AGBL4: variants seen among roughly 807,000 people sequenced by gnomAD.
The protein encoded by AGBL4 is AGBL carboxypeptidase 4.
A neutral mutation model predicts 66.4 loss-of-function variants in AGBL4; 58 were observed. The ratio of observed to expected loss-of-function variants is 0.87; its 90% CI spans 0.71 to 1.09. The LOEUF is 1.09. Among genes scored for constraint, AGBL4 ranks in the 50% least tolerant of loss-of-function variants. The pLI is 0.00. For missense variants in AGBL4, 579 were observed against 631.0 expected, an observed-to-expected ratio of 0.92 and a Z score of 0.88; for synonymous variants, 234 against 222.9, an observed-to-expected ratio of 1.05 and a Z score of -0.44.
intron 3 of AGBL4, among the ~76,000 whole-genome samples, chr1:49,534,090 A>G (rs533063723): frequency 6.7e-6 from 1 of 149,274 alleles, no homozygotes; most frequent in South Asian, 2.1e-4. Context: ...TCAACTAAAA[A>G]GCATTTTTCT....
chr1:49,721,966 G>C lies in AGBL4; in HGVS notation c.158-24529C>G, dbSNP rs571441111. Among the ~76,000 whole-genome samples the C allele has an allele frequency of 3.3e-5, 5 of 152,292 alleles. No individual in the cohort carries two copies. In the South Asian group the frequency reaches 1.0e-3, roughly 32 times the overall value. ...GTTAATGATCAATACAGAACTTGAA[G>C]AGAAAGTTGGACAATTATTTGGCAG... On this transcript the variant is annotated intron_variant, in intron 2 of 13. Coordinates refer to ENST00000371839, the MANE Select transcript of AGBL4 (RefSeq NM_032785.4).
intron 2 of AGBL4, among the ~76,000 whole-genome samples, chr1:49,751,721 T>C (rs1214498993): frequency 6.6e-6 from 1 of 152,188 alleles, no homozygotes; most frequent in Non-Finnish European, 1.5e-5. Context: ...AGGCTTTTCT[T>C]GGTTGGTAGG....
intron 1 of AGBL4, among the ~76,000 whole-genome samples, chr1:49,952,932 G>A (rs771738932): frequency 6.6e-6 from 1 of 151,864 alleles, no homozygotes; most frequent in Non-Finnish European, 1.5e-5. Flanking sequence ...TCATGATTTA[G>A]CAATCCCCAA....
chr1:48,914,011 T>C (rs1000038704), intron 5 of AGBL4, among the ~76,000 whole-genome samples: 3 of 152,026 alleles, frequency 2.0e-5, no homozygotes, highest in Middle Eastern at 6.8e-3. Context: ...AAGTGGGAAG[T>C]TGGAGGAAAG....
chr1:49,140,544 C>T (rs1391795958), intron 4 of AGBL4, among the ~76,000 whole-genome samples: 2 of 152,204 alleles, frequency 1.3e-5, no homozygotes, highest in African/African-American at 4.8e-5. Flanking sequence ...GGCCTTTCAA[C>T]TTGCACAGAT....
chr1:48,942,179 G>A (rs1656035103), intron 5 of AGBL4, among the ~76,000 whole-genome samples: 1 of 152,130 alleles, frequency 6.6e-6, no homozygotes, highest in African/African-American at 2.4e-5. Context: ...GAGAAAAGCA[G>A]GTCTTTGATG....
At chr1:48,913,950 T>C (rs1488128335) in intron 5 of AGBL4, among the ~76,000 whole-genome samples, 1 of 152,024 alleles carries the variant, frequency 6.6e-6, no homozygotes, top group Non-Finnish European at 1.5e-5. Context: ...AGATAATGAG[T>C]CCTGTTTTAA....
chr1:48,636,870 T>C (rs1171103421), intron 8 of AGBL4, among the ~76,000 whole-genome samples: 1 of 152,306 alleles, frequency 6.6e-6, no homozygotes, highest in South Asian at 2.1e-4. Flanking sequence ...CTTTTGAGAA[T>C]GTATAAGTAA....
At chr1:49,157,186 C>T (rs1402402070) in intron 4 of AGBL4, among the ~76,000 whole-genome samples, 1 of 152,032 alleles carries the variant, frequency 6.6e-6, no homozygotes, top group Non-Finnish European at 1.5e-5. Context: ...CTGCAACCTT[C>T]AACCCATCAT....
At chr1:48,983,126 A>G (rs1659912078) in intron 5 of AGBL4, among the ~76,000 whole-genome samples, 1 of 152,166 alleles carries the variant, frequency 6.6e-6, no homozygotes, top group South Asian at 2.1e-4. Flanking sequence ...CCTGAGACTG[A>G]AGTTGCTTTC....
At chr1:48,762,239 A>T (rs1218882744) in intron 6 of AGBL4, among the ~76,000 whole-genome samples, 1 of 152,236 alleles carries the variant, frequency 6.6e-6, no homozygotes. Context: ...TACTGAATGT[A>T]AAGTGCTACA....
chr1:49,183,375 C>T (rs1646961725), intron 4 of AGBL4, among the ~76,000 whole-genome samples: 1 of 152,098 alleles, frequency 6.6e-6, no homozygotes, highest in Admixed American at 6.5e-5. Context: ...TCTCATTTCC[C>T]CCTCCATCTC....
intron 3 of AGBL4, among the ~76,000 whole-genome samples, chr1:49,465,114 G>T (rs1047596834): frequency 2.0e-5 from 3 of 151,328 alleles, no homozygotes; most frequent in Admixed American, 2.0e-4. Context: ...ATACACTGTG[G>T]AGCTATTTTG....
intron 3 of AGBL4, among the ~76,000 whole-genome samples, chr1:49,383,219 C>G (rs1002501383): frequency 9.2e-5 from 14 of 152,008 alleles, no homozygotes; most frequent in African/African-American, 3.4e-4. Flanking sequence ...TCAAAGTGAC[C>G]TACAGATTTA....
chr1:48,700,368 C>A lies in AGBL4; in HGVS notation c.635-37127G>T, dbSNP rs1484411. On this transcript the variant is annotated intron_variant, in intron 6 of 13. Transcript: ENST00000371839. Reference sequence around the variant, plus strand: ...AGGATGGTTAGCAAGGAGAGGGCTGCACAGCACAATTGAAATGCACAGCAT... The same window carrying A: ...AGGATGGTTAGCAAGGAGAGGGCTGAACAGCACAATTGAAATGCACAGCAT... Among the ~76,000 whole-genome samples the A allele has an allele frequency of 1.5e-3, 235 of 152,302 alleles. 1 individual carries two copies. The South Asian group carries it at 0.018, about 12-fold the overall frequency.
chr1:48,534,737 C>T (rs898517322), intron 13 of AGBL4, among the ~76,000 whole-genome samples, 153 bp downstream of exon 13: 2 of 152,084 alleles, frequency 1.3e-5, no homozygotes, highest in African/African-American at 2.4e-5. Flanking sequence ...AACATACTGC[C>T]CCCTCCACCA....
intron 4 of AGBL4, among the ~76,000 whole-genome samples, chr1:49,242,054 T>C (rs772966051): frequency 6.6e-6 from 1 of 151,932 alleles, no homozygotes; most frequent in Non-Finnish European, 1.5e-5. Flanking sequence ...GCCTTAATAG[T>C]ATAATTTTCT....
chr1:49,057,116 A>G (rs1253768401), intron 4 of AGBL4, among the ~76,000 whole-genome samples: 1 of 152,110 alleles, frequency 6.6e-6, no homozygotes, highest in East Asian at 1.9e-4. Context: ...TCAAAGCTTA[A>G]TTGGGCCAGA....
At chr1:48,755,558 A>C (rs1652420924) in intron 6 of AGBL4, among the ~76,000 whole-genome samples, 1 of 152,194 alleles carries the variant, frequency 6.6e-6, no homozygotes, top group Non-Finnish European at 1.5e-5. Context: ...CATCAACCCT[A>C]ACCCAGGACA....
Sources: gnomAD v4.1 joint callset for allele counts (sites outside exome capture counted in the v4.1 genomes callset) on GRCh38, gnomAD v4.1.1 for gene constraint, MANE v1.5 for transcripts, NCBI Gene and HGNC (gene_info 2026-07-23, HGNC 2026-07-21) for gene names.